The following GAB2 variants were observed in gnomAD, a reference collection of about 807,000 sequenced individuals.
GAB2 encodes GRB2 associated binding protein 2, also known as GRB2-associated-binding protein 2.
A neutral mutation model predicts 65.5 loss-of-function variants in GAB2; 26 were observed. The observed-to-expected ratio is 0.40, with a 90% CI of 0.29 to 0.55. The LOEUF (loss-of-function observed/expected upper bound fraction) is 0.55, where lower values mean the gene tolerates loss of function less well. Ranked by LOEUF, GAB2 falls within the 20% of genes least tolerant of loss-of-function variation. The pLI is 0.53. For synonymous variants in GAB2, 321 were observed against 329.6 expected, an observed-to-expected ratio of 0.97 and a Z score of 0.28; for missense variants, 884 against 875.8, an observed-to-expected ratio of 1.01 and a Z score of -0.12.
chr11:78,403,894 C>G (rs1857006248), intron 1 of GAB2, among the ~76,000 whole-genome samples: 1 of 152,082 alleles, frequency 6.6e-6, no homozygotes, highest in Admixed American at 6.5e-5. Context: ...TATATGCTGG[C>G]ATTCAGTTCT....
intron 1 of GAB2, among the ~76,000 whole-genome samples, chr11:78,414,099 A>G (rs1044050375): frequency 2.0e-5 from 3 of 151,716 alleles, no homozygotes; most frequent in Admixed American, 2.0e-4. Flanking sequence ...AAAAAAAAAA[A>G]AAAAAAAAGG....
At chr11:78,261,853 G>C (rs573392350) in intron 2 of GAB2, among the ~76,000 whole-genome samples, 86 of 152,256 alleles carry the variant, frequency 5.6e-4, no homozygotes, top group African/African-American at 1.8e-3. Context: ...TTTCCCACAG[G>C]AATCAATCCA....
chr11:78,335,995 C>T (rs1591047606), intron 1 of GAB2, among the ~76,000 whole-genome samples: 1 of 151,856 alleles, frequency 6.6e-6, no homozygotes, highest in South Asian at 2.1e-4. Context: ...TTTGTGGCTA[C>T]TATAAATGGG....
chr11:78,347,441 C>G (rs2134699607), intron 1 of GAB2, among the ~76,000 whole-genome samples: 1 of 152,294 alleles, frequency 6.6e-6, no homozygotes, highest in African/African-American at 2.4e-5. Flanking sequence ...GTTGGGCAAT[C>G]ATGGACTTGA....
intron 1 of GAB2, among the ~76,000 whole-genome samples, chr11:78,355,876 G>A (rs1459672306): frequency 6.6e-6 from 1 of 151,894 alleles, no homozygotes; most frequent in Non-Finnish European, 1.5e-5. Context: ...TCATCTTTAA[G>A]ACACAGTGGC....
At chr11:78,277,929 G>T (rs1227267707) in intron 2 of GAB2, among the ~76,000 whole-genome samples, 1 of 152,150 alleles carries the variant, frequency 6.6e-6, no homozygotes, top group Non-Finnish European at 1.5e-5. Flanking sequence ...GTCTCACTCT[G>T]CCTTATGCCC....
chr11:78,304,880 A>G (rs1479084540), intron 1 of GAB2, among the ~76,000 whole-genome samples: 2 of 152,204 alleles, frequency 1.3e-5, no homozygotes, highest in African/African-American at 2.4e-5. Flanking sequence ...CCTATTTCTC[A>G]GCCTCAAAAC....
chr11:78,381,521 G>A (rs1565179373), intron 1 of GAB2, among the ~76,000 whole-genome samples: 1 of 152,090 alleles, frequency 6.6e-6, no homozygotes, highest in Non-Finnish European at 1.5e-5. Context: ...TTTAAGAAAT[G>A]GCTCTTCCTC....
intron 1 of GAB2, among the ~76,000 whole-genome samples, chr11:78,324,232 T>C (rs1481248845): frequency 1.3e-5 from 2 of 152,216 alleles, no homozygotes; most frequent in Non-Finnish European, 2.9e-5. Context: ...GGCTGATCTT[T>C]AGCAGCCTCC....
At chr11:78,245,863 G>A (rs904531750) in intron 3 of GAB2, among the ~76,000 whole-genome samples, 1 of 151,916 alleles carries the variant, frequency 6.6e-6, no homozygotes, top group Non-Finnish European at 1.5e-5. Context: ...ATCTGAGAAC[G>A]TCTTAATTTT....
intron 1 of GAB2, among the ~76,000 whole-genome samples, chr11:78,285,756 G>A (rs1262706807): frequency 2.0e-5 from 3 of 152,106 alleles, no homozygotes; most frequent in Non-Finnish European, 4.4e-5. Context: ...CGTGAGCCAC[G>A]GCATGGGGCC....
rs114040958 is a variant in GAB2 at position 78,216,089 on chromosome 11, T to A, written c.*3183A>T. ...GAAAGAAGTTACAGAGGAGGGAGTC[T>A]CCCCTTCAAGCAGCTGAGCACCAGC... On this transcript the variant is annotated 3_prime_UTR_variant, in exon 10 of 10. Coordinates refer to ENST00000361507, the MANE Select transcript of GAB2 (RefSeq NM_080491.3). 6.6e-6 allele frequency: 1 copy of A among 152,616 alleles called. No individual in the cohort carries two copies. Among genetic ancestry groups the A allele is most frequent in the African/African-American group, 2.4e-5 (1 of 41,450 alleles). The allele number at this position is 152,616 out of a possible 1,614,324, so 9.5% of individuals were successfully genotyped here.
chr11:78,306,116 G>C (rs1428319606), intron 1 of GAB2, among the ~76,000 whole-genome samples: 1 of 152,108 alleles, frequency 6.6e-6, no homozygotes, highest in Non-Finnish European at 1.5e-5. Context: ...ATCTTTGTTA[G>C]AACCTTCAAC....
At chr11:78,224,915 C>T (rs868685689) in intron 5 of GAB2, among the ~76,000 whole-genome samples, 193 bp downstream of exon 5, 5 of 152,304 alleles carry the variant, frequency 3.3e-5, no homozygotes, top group African/African-American at 9.6e-5. Flanking sequence ...ACATACATTT[C>T]TTCCAGACTA....
chr11:78,408,788 A>G (rs1857088042), intron 1 of GAB2, among the ~76,000 whole-genome samples: 1 of 151,634 alleles, frequency 6.6e-6, no homozygotes, highest in African/African-American at 2.4e-5. Context: ...AGTGTGTAGT[A>G]CCTCTCCCCT....
intron 1 of GAB2, among the ~76,000 whole-genome samples, chr11:78,358,760 C>A (rs1008311987): frequency 1.3e-5 from 2 of 151,920 alleles, no homozygotes; most frequent in Non-Finnish European, 2.9e-5. Context: ...AGCCATAATA[C>A]CATAATGAAT....
chr11:78,267,747 A>ACT (rs1865905601), intron 2 of GAB2, among the ~76,000 whole-genome samples: 1 of 150,892 alleles, frequency 6.6e-6, no homozygotes. Context: ...AGTCCCAGCT[A>ACT]CTCGGGAGGC....
intron 1 of GAB2, among the ~76,000 whole-genome samples, chr11:78,316,343 C>T (rs1256301776): frequency 2.0e-5 from 3 of 152,104 alleles, no homozygotes; most frequent in Non-Finnish European, 4.4e-5. Flanking sequence ...TGTATAAACT[C>T]CCTTTCATAT....
intron 1 of GAB2, among the ~76,000 whole-genome samples, chr11:78,392,855 C>T (rs901646947): frequency 1.3e-5 from 2 of 152,214 alleles, no homozygotes; most frequent in Non-Finnish European, 2.9e-5. Context: ...TTCTCTGCAG[C>T]CTCTGACACT....
Sources: allele counts gnomAD v4.1 joint callset (sites outside exome capture counted in the v4.1 genomes callset), GRCh38; gene constraint gnomAD v4.1.1; transcripts MANE v1.5; gene names NCBI Gene and HGNC (gene_info 2026-07-23, HGNC 2026-07-21).